The following CGREF1 variants were observed in gnomAD, a reference collection of about 807,000 sequenced individuals.
CGREF1 encodes the protein cell growth regulator with EF hand domain protein 1.
A neutral mutation model predicts 17.4 loss-of-function variants in CGREF1; 16 were observed. The ratio of observed to expected loss-of-function variants is 0.92; its 90% CI spans 0.62 to 1.40. CGREF1 has a LOEUF of 1.40. Among genes scored for constraint, CGREF1 ranks in the 40% most tolerant of loss-of-function variants. The pLI, the probability that CGREF1 is intolerant of heterozygous loss-of-function variation, is 0.00. For synonymous variants in CGREF1, 142 were observed against 154.6 expected, an observed-to-expected ratio of 0.92 and a Z score of 0.61; for missense variants, 296 against 376.4, an observed-to-expected ratio of 0.79 and a Z score of 1.77.
At chr2:27,102,795 C>G (rs1670955290) in intron 2 of CGREF1, 2 of 553,294 alleles carry the variant, frequency 3.6e-6, no homozygotes, top group South Asian at 7.8e-5. Flanking sequence ...GTTTTTGCAG[C>G]TGGCTACCTT....
Position 27,102,131 on chromosome 2 carries a change from G to A in CGREF1, c.308C>T (p.Ala103Val). The A allele has an allele frequency of 3.7e-6, 6 of 1,611,338 alleles. No individual in the cohort carries two copies. The South Asian group carries it at 6.6e-5, about 18-fold the overall frequency. ...ELLSMLTAAL[A>V]PGAANSPTTN... ...GGTAGGAGAGTTGGCAGCTCCAGGG[G>A]CCAGAGCAGCTGTCAACATGGACAG... The change falls in exon 5 of 6, where the codon GCC becomes GTC. Residue 103 changes from alanine (A) to valine (V), a missense_variant. Transcript: ENST00000402394.
In CGREF1 at chr2:27,104,370, T is replaced by C. The variant is rs1317860661; in HGVS notation, c.-4A>G. ...CTGTCATCGTCAAAGGTAACATCCT[T>C]CCTGGAACTGGAACAAGGAAGAGAA... is the stretch of plus-strand genomic sequence containing the variant. On this transcript the variant is annotated 5_prime_UTR_variant, in exon 2 of 6. Transcript: ENST00000402394. 4 of 1,613,346 alleles carry C rather than the reference T, an allele frequency of 2.5e-6. No individual in the cohort carries two copies. The highest frequency in any genetic ancestry group is 3.4e-6 in the Non-Finnish European group (4 of 1,179,712).
intron 1 of CGREF1, among the ~76,000 whole-genome samples, chr2:27,116,871 TTCTCTCTCTCTCTCTCTC>T (rs537582075): frequency 0.02 from 676 of 33,698 alleles, 15 homozygotes; most frequent in East Asian, 0.045. Flanking sequence ...GCCAGGCCTA[TTCTCTCTCTCTCTCTCTC>T]TCTCTCTCTC....
Position 27,101,097 on chromosome 2 carries a change from A to G in CGREF1, c.*177T>C. On this transcript the variant is annotated 3_prime_UTR_variant, in exon 6 of 6. Transcript: ENST00000402394. Reference sequence around the variant, plus strand: ...GGGGGATGAATTCATTCAGTTCTTTATTGGTAATCTGCCCCTTAACTTAGG... The same window carrying G: ...GGGGGATGAATTCATTCAGTTCTTTGTTGGTAATCTGCCCCTTAACTTAGG... 1 of 1,360,336 alleles carries G rather than the reference A, an allele frequency of 7.4e-7. No individual in the cohort carries two copies. The highest frequency in any genetic ancestry group is 2.8e-5 in the East Asian group (1 of 36,088). 84.3% of individuals were successfully genotyped at this position (1,360,336 alleles called of 1,614,324 possible). A position where few individuals can be genotyped will look rare whatever the true frequency, so the allele number is the denominator to read the frequency against.
intron 1 of CGREF1, among the ~76,000 whole-genome samples, chr2:27,116,855 C>G (rs1671583297): frequency 6.9e-6 from 1 of 145,864 alleles, no homozygotes; most frequent in Admixed American, 7.0e-5. Context: ...AGGGATGAGC[C>G]ACCAGGCCAG....
chr2:27,111,769 G>A (rs1671396645), intron 1 of CGREF1, among the ~76,000 whole-genome samples: 1 of 148,196 alleles, frequency 6.7e-6, no homozygotes, highest in South Asian at 2.1e-4. Context: ...CGAGTGCTGG[G>A]CCCCCGAGCC....
intron 1 of CGREF1, chr2:27,104,688 GAGA>G: frequency 6.4e-7 from 1 of 1,550,478 alleles, no homozygotes; most frequent in Non-Finnish European, 8.7e-7. Context: ...AAGGTGCCCA[GAGA>G]AGTACAGCGC....
chr2:27,118,103 C>T (rs1489538653), intron 1 of CGREF1, among the ~76,000 whole-genome samples: 1 of 152,100 alleles, frequency 6.6e-6, no homozygotes, highest in African/African-American at 2.4e-5. Flanking sequence ...AGGGTAGGTG[C>T]CTGGCACCAA....
At chr2:27,099,520 G>C (rs371516742), downstream of CGREF1, 25 of 1,614,068 alleles carry the variant, frequency 1.5e-5, no homozygotes, top group African/African-American at 2.9e-4. Context: ...CCGCGTGGTG[G>C]ATACACTGGG....
downstream of CGREF1, chr2:27,100,537 T>TA: frequency 7.7e-7 from 1 of 1,290,748 alleles, no homozygotes; most frequent in Non-Finnish European, 1.0e-6. Context: ...ATAGGGTGGG[T>TA]AAGGCCTTAT....
chr2:27,100,195 C>T (rs903208705), downstream of CGREF1: 4 of 437,780 alleles, frequency 9.1e-6, no homozygotes, highest in Admixed American at 3.5e-5. Flanking sequence ...CCAAAGAAAC[C>T]GTGAGAGCTC....
intron 1 of CGREF1, among the ~76,000 whole-genome samples, chr2:27,118,202 A>C (rs1482603495): frequency 6.6e-6 from 1 of 151,806 alleles, no homozygotes; most frequent in African/African-American, 2.4e-5. Flanking sequence ...CAAAGCAAAA[A>C]TTTCTTCCTC....
intron 1 of CGREF1, among the ~76,000 whole-genome samples, chr2:27,112,239 G>C (rs1054015427): frequency 2.0e-5 from 3 of 152,172 alleles, no homozygotes; most frequent in African/African-American, 7.2e-5. Flanking sequence ...TTGTGCTGCT[G>C]TACTCCAGCC....
At chr2:27,105,337 C>T (rs1671076165) in intron 1 of CGREF1, among the ~76,000 whole-genome samples, 1 of 152,176 alleles carries the variant, frequency 6.6e-6, no homozygotes, top group South Asian at 2.1e-4. Flanking sequence ...GCAGATTCTC[C>T]AAGCAACCCA....
At chr2:27,104,864 T>C in intron 1 of CGREF1, 1 of 1,358,196 alleles carries the variant, frequency 7.4e-7, no homozygotes, top group Non-Finnish European at 9.7e-7. Context: ...AAAAACCCAC[T>C]GAAGAACAAA....
chr2:27,107,630 A>G (rs1261357756), intron 1 of CGREF1, among the ~76,000 whole-genome samples: 1 of 147,036 alleles, frequency 6.8e-6, no homozygotes, highest in Non-Finnish European at 1.5e-5. Flanking sequence ...CAGCAACAGT[A>G]TGTTTTAAAA....
downstream of CGREF1, chr2:27,100,065 T>C: frequency 1.6e-6 from 1 of 615,536 alleles, no homozygotes; most frequent in Non-Finnish European, 2.9e-6. Flanking sequence ...CAAATTAACC[T>C]CTCCGCCCAG....
rs1450784155 is a variant in CGREF1 at position 27,100,724 on chromosome 2, A to AATCAT, written c.*545_*549dup. On this transcript the variant is annotated 3_prime_UTR_variant, in exon 6 of 6. Coordinates refer to ENST00000402394, the MANE Select transcript of CGREF1 (RefSeq NM_006569.6). ...GGCTACAGAATTATTGTGAGGATAA[A>AATCAT]ATCATATATAAAATGCCCAGCATGA... The AATCAT allele has an allele frequency of 9.7e-6, 11 of 1,132,100 alleles. No homozygotes were observed. Among genetic ancestry groups the AATCAT allele is most frequent in the Non-Finnish European group, 1.2e-5 (11 of 891,180 alleles). The allele number at this position is 1,132,100 out of a possible 1,614,324, so 70.1% of individuals were successfully genotyped here.
Position 27,100,876 on chromosome 2 carries a change from G to GATCTC in CGREF1, c.*397_*398insGAGAT. The GATCTC allele has an allele frequency of 9.2e-7, 1 of 1,092,340 alleles. No homozygotes were observed. Among genetic ancestry groups the GATCTC allele is most frequent in the South Asian group, 2.7e-5 (1 of 37,602 alleles). The allele number at this position is 1,092,340 out of a possible 1,614,324, so 67.7% of individuals were successfully genotyped here. Reference sequence around the variant, plus strand: ...ACACCAGGTGAGGGGGAACCGGTGAGGGTTTGGGGCCCAGGGATAGACTGA... The same window carrying GATCTC: ...ACACCAGGTGAGGGGGAACCGGTGAGATCTCGGTTTGGGGCCCAGGGATAGACTGA... On this transcript the variant is annotated 3_prime_UTR_variant, in exon 6 of 6. Transcript: ENST00000402394.
Sources: allele counts gnomAD v4.1 joint callset (sites outside exome capture counted in the v4.1 genomes callset), GRCh38; gene constraint gnomAD v4.1.1; transcripts MANE v1.5; gene names NCBI Gene and HGNC (gene_info 2026-07-23, HGNC 2026-07-21).